DPP10: variants seen among roughly 807,000 people sequenced by gnomAD.
The protein encoded by DPP10 is inactive dipeptidyl peptidase 10.
In DPP10, 33 loss-of-function variants were observed where a neutral mutation model predicts 120.9. The observed-to-expected ratio is 0.27, with a 90% confidence interval of 0.21 to 0.37. DPP10 has a LOEUF of 0.37. DPP10 is among the 10% of genes least tolerant of loss of function. The pLI, the probability that DPP10 is intolerant of heterozygous loss-of-function variation, is 1.00. For missense variants in DPP10, 816 were observed against 942.8 expected, an observed-to-expected ratio of 0.87 and a Z score of 1.76; for synonymous variants, 337 against 326.1, an observed-to-expected ratio of 1.03 and a Z score of -0.36.
chr2:115,609,844 TA>T (rs1246221274), intron 5 of DPP10, among the ~76,000 whole-genome samples: 1 of 152,166 alleles, frequency 6.6e-6, no homozygotes, highest in Non-Finnish European at 1.5e-5. Context: ...TGATTAATTT[TA>T]AAAACTGAAA....
At chr2:115,497,377 C>T (rs983764576) in intron 3 of DPP10, among the ~76,000 whole-genome samples, 5 of 152,134 alleles carry the variant, frequency 3.3e-5, no homozygotes, top group Admixed American at 6.6e-5. Context: ...AGCCAGCCTA[C>T]GAGCCTAAAA....
At position 115,499,310 on chromosome 2, in the gene DPP10, A is replaced by G. The variant is rs137986481; in HGVS notation, c.272-200A>G. The stretch of plus-strand genomic sequence containing the variant: ...TGGCCCTCATACTAACCCCTTGTTC[A>G]TTGCACAATAGACCATGTGTTAGGC... On this transcript the variant is annotated intron_variant, in intron 3 of 25. Coordinates refer to ENST00000410059, the MANE Select transcript of DPP10 (RefSeq NM_020868.6). Among the ~76,000 whole-genome samples, 45 of 152,186 alleles carry G rather than the reference A, an allele frequency of 3.0e-4. No individual in the cohort carries two copies. In the East Asian group the frequency reaches 7.9e-3, roughly 27 times the overall value.
chr2:114,467,102 C>T (rs931673178), intron 1 of DPP10, among the ~76,000 whole-genome samples: 4 of 151,474 alleles, frequency 2.6e-5, no homozygotes, highest in Non-Finnish European at 5.9e-5. Context: ...GGTGCCTATC[C>T]AGTTGCTGAT....
intron 1 of DPP10, among the ~76,000 whole-genome samples, chr2:115,104,856 A>G (rs1367347593): frequency 3.3e-5 from 5 of 152,134 alleles, no homozygotes; most frequent in Non-Finnish European, 7.3e-5. Flanking sequence ...AAATACAAAA[A>G]TTAGCCGGGC....
At chr2:115,643,588 T>A (rs1198287146) in intron 5 of DPP10, among the ~76,000 whole-genome samples, 1 of 152,194 alleles carries the variant, frequency 6.6e-6, no homozygotes, top group Non-Finnish European at 1.5e-5. Flanking sequence ...ACATAAGACG[T>A]TATAAAAACA....
intron 7 of DPP10, among the ~76,000 whole-genome samples, chr2:115,710,687 A>T (rs1465560784): frequency 1.3e-5 from 2 of 152,062 alleles, no homozygotes; most frequent in African/African-American, 2.4e-5. Flanking sequence ...AAATTTTTCA[A>T]CTTTTTTCTA....
At chr2:115,019,235 G>A (rs1702893395) in intron 1 of DPP10, among the ~76,000 whole-genome samples, 1 of 151,984 alleles carries the variant, frequency 6.6e-6, no homozygotes, top group African/African-American at 2.4e-5. Flanking sequence ...GCAAGCACCT[G>A]TTAATAAAGG....
intron 1 of DPP10, among the ~76,000 whole-genome samples, chr2:114,695,585 C>T (rs1243177735): frequency 6.6e-6 from 1 of 152,008 alleles, no homozygotes; most frequent in Non-Finnish European, 1.5e-5. Flanking sequence ...TGTCCTTTTC[C>T]ATAACAACAC....
intron 1 of DPP10, among the ~76,000 whole-genome samples, chr2:114,564,481 A>G (rs1385370870): frequency 1.3e-5 from 2 of 152,174 alleles, no homozygotes; most frequent in Non-Finnish European, 2.9e-5. Context: ...ATTCTCATTA[A>G]CAACTAAGGT....
intron 1 of DPP10, among the ~76,000 whole-genome samples, chr2:115,257,027 C>T (rs1016716771): frequency 6.6e-6 from 1 of 152,204 alleles, no homozygotes; most frequent in African/African-American, 2.4e-5. Flanking sequence ...GACCTTTGCT[C>T]CAGTTCCCAG....
chr2:115,351,853 T>C (rs1237844294), intron 3 of DPP10, among the ~76,000 whole-genome samples: 5 of 152,230 alleles, frequency 3.3e-5, no homozygotes, highest in Middle Eastern at 3.5e-3. Flanking sequence ...AGATTAAATT[T>C]CATCTGTATT....
intron 3 of DPP10, among the ~76,000 whole-genome samples, chr2:115,414,667 G>A (rs1054309018): frequency 6.6e-6 from 1 of 152,140 alleles, no homozygotes; most frequent in Admixed American, 6.6e-5. Context: ...AATATCTGAA[G>A]TTGTACTGGG....
chr2:115,693,380 G>A (rs1201341611), intron 7 of DPP10, among the ~76,000 whole-genome samples: 1 of 152,056 alleles, frequency 6.6e-6, no homozygotes, highest in African/African-American at 2.4e-5. Flanking sequence ...CTGATGTTGT[G>A]AACAATAGAG....
chr2:114,927,996 G>A (rs1037307151), intron 1 of DPP10, among the ~76,000 whole-genome samples: 1 of 152,126 alleles, frequency 6.6e-6, no homozygotes, highest in Non-Finnish European at 1.5e-5. Context: ...CCCCACCAGG[G>A]AAGGCATTAA....
chr2:114,750,555 G>C (rs964102129), intron 1 of DPP10, among the ~76,000 whole-genome samples: 1 of 151,906 alleles, frequency 6.6e-6, no homozygotes, highest in Non-Finnish European at 1.5e-5. Flanking sequence ...AGAGGGTCTC[G>C]ATCTCCTAAC....
At chr2:115,434,634 A>T (rs1392788833) in intron 3 of DPP10, among the ~76,000 whole-genome samples, 1 of 151,728 alleles carries the variant, frequency 6.6e-6, no homozygotes, top group African/African-American at 2.4e-5. Context: ...CTCCAATTAG[A>T]GTAATTGGGA....
chr2:115,302,780 T>A (rs2061198761), intron 1 of DPP10, among the ~76,000 whole-genome samples: 1 of 152,038 alleles, frequency 6.6e-6, no homozygotes, highest in Non-Finnish European at 1.5e-5. Flanking sequence ...CATAAACCTA[T>A]AAAGAGTATA....
rs371789077 is a variant in DPP10, at chr2:115,787,359, A to G, written c.1532-3722A>G. Among the ~76,000 whole-genome samples the G allele has an allele frequency of 9.2e-5, 14 of 152,336 alleles. 1 individual carries two copies. In the East Asian group the frequency reaches 1.4e-3, roughly 15 times the overall value. On this transcript the variant is annotated intron_variant, in intron 17 of 25. Transcript: ENST00000410059. ...ACAGTAAATTAGCTGTTACAAATACATAAAGCCATCAAGGAAAGAATGAAT... is the reference window on the plus strand; with the variant it reads ...ACAGTAAATTAGCTGTTACAAATACGTAAAGCCATCAAGGAAAGAATGAAT...
intron 3 of DPP10, among the ~76,000 whole-genome samples, chr2:115,375,250 C>T (rs1245590677): frequency 1.3e-5 from 2 of 152,122 alleles, no homozygotes; most frequent in East Asian, 1.9e-4. Flanking sequence ...CAATAGATAT[C>T]CTAAATAATC....
Sources: allele counts gnomAD v4.1 joint callset (sites outside exome capture counted in the v4.1 genomes callset), GRCh38; gene constraint gnomAD v4.1.1; transcripts MANE v1.5; gene names NCBI Gene and HGNC (gene_info 2026-07-23, HGNC 2026-07-21).